Variants in WDPCP observed in about 807,000 individuals in gnomAD.
WDPCP encodes the protein WD repeat-containing and planar cell polarity effector protein fritz homolog.
In WDPCP, 71 loss-of-function variants were observed where a neutral mutation model predicts 93.1. That is an observed-to-expected ratio of 0.76 (90% confidence interval 0.63 to 0.93). The LOEUF (loss-of-function observed/expected upper bound fraction) is 0.93, where lower values mean the gene tolerates loss of function less well. Among genes scored for constraint, WDPCP ranks in the 40% least tolerant of loss-of-function variants. The probability of loss-of-function intolerance (pLI) is 0.00; values close to 1 mark genes in which losing one functional copy is unlikely to be tolerated. For missense variants in WDPCP, 844 were observed against 887.4 expected, an observed-to-expected ratio of 0.95 and a Z score of 0.62; for synonymous variants, 315 against 315.0, an observed-to-expected ratio of 1.00 and a Z score of 0.00.
chr2:63,404,541 AGCCATGG>A lies in WDPCP; in HGVS notation c.935_941del (p.Pro312LeufsTer23), dbSNP rs1235216371. Reference sequence around the variant, plus strand: ...GAATGCATTCATAGATGCAGCTGTCAGCCATGGGCTCTTTGTCTACACTTACGGAGTG... The same window carrying A: ...GAATGCATTCATAGATGCAGCTGTCAGCTCTTTGTCTACACTTACGGAGTG... On this transcript the variant is annotated frameshift_variant, in exon 10 of 18. Transcript: ENST00000272321. LOFTEE classifies it high-confidence loss of function. 6.2e-7 allele frequency: 1 copy of A among 1,613,618 alleles called. No individual in the cohort carries two copies. The highest frequency in any genetic ancestry group is 1.7e-5 in the Admixed American group (1 of 59,970).
intron 3 of WDPCP, among the ~76,000 whole-genome samples, chr2:63,623,510 GAA>G (rs1298405445): frequency 1.6e-5 from 2 of 124,968 alleles, no homozygotes; most frequent in African/African-American, 2.9e-5. Flanking sequence ...ATGGAAAGCA[GAA>G]AAAAAAAAAA....
intron 1 of WDPCP, among the ~76,000 whole-genome samples, chr2:63,509,857 T>C (rs559988141): frequency 4.3e-4 from 66 of 152,166 alleles, no homozygotes; most frequent in African/African-American, 1.3e-3. Context: ...CCTAGACACA[T>C]ATACCCTCCC....
chr2:63,223,972 CT>C (rs1380596632), intron 14 of WDPCP, among the ~76,000 whole-genome samples: 4 of 152,068 alleles, frequency 2.6e-5, no homozygotes, highest in African/African-American at 9.7e-5. Context: ...CACTGTAAGT[CT>C]TCCAGCTTTG....
chr2:63,369,705 C>G (rs754750559), intron 12 of WDPCP, among the ~76,000 whole-genome samples: 2 of 152,092 alleles, frequency 1.3e-5, no homozygotes, highest in Non-Finnish European at 2.9e-5. Context: ...CAGTCTATTT[C>G]TCTCACAACA....
chr2:63,573,759 T>C (rs1008624358), intron 1 of WDPCP, among the ~76,000 whole-genome samples: 3 of 152,186 alleles, frequency 2.0e-5, no homozygotes, highest in South Asian at 2.1e-4. Context: ...AACAGAGCCA[T>C]ATTCCTCTTC....
intron 2 of WDPCP, among the ~76,000 whole-genome samples, chr2:63,714,654 C>T (rs902418671): frequency 6.6e-6 from 1 of 151,988 alleles, no homozygotes; most frequent in East Asian, 1.9e-4. Flanking sequence ...ACAGTAAAAC[C>T]CTGTCTCTAC....
At chr2:63,522,879 T>C (rs578112574) in intron 1 of WDPCP, among the ~76,000 whole-genome samples, 1 of 152,268 alleles carries the variant, frequency 6.6e-6, no homozygotes, top group African/African-American at 2.4e-5. Context: ...TTCTACTAAA[T>C]GTACAAAGAA....
At chr2:63,812,612 C>G (rs2053984954) in intron 2 of WDPCP, among the ~76,000 whole-genome samples, 1 of 152,162 alleles carries the variant, frequency 6.6e-6, no homozygotes, top group East Asian at 1.9e-4. Flanking sequence ...GCCATTCTGC[C>G]TGTCCACACT....
chr2:63,455,616 C>T (rs1231333891), intron 6 of WDPCP, among the ~76,000 whole-genome samples: 3 of 151,896 alleles, frequency 2.0e-5, no homozygotes, highest in African/African-American at 4.8e-5. Context: ...AGGGATCAAT[C>T]GAGCAAGAGG....
chr2:63,571,133 G>A (rs966567176), intron 1 of WDPCP, among the ~76,000 whole-genome samples: 2 of 151,792 alleles, frequency 1.3e-5, no homozygotes, highest in East Asian at 1.9e-4. Flanking sequence ...GTATGGTCTC[G>A]ATCTCCTGAC....
At chr2:63,306,302 A>G (rs1685739282) in intron 13 of WDPCP, among the ~76,000 whole-genome samples, 1 of 152,238 alleles carries the variant, frequency 6.6e-6, no homozygotes, top group Admixed American at 6.5e-5. Flanking sequence ...GCCGAATTCT[A>G]CCAGAGGTAC....
At chr2:63,449,933 C>G (rs1304696508) in intron 6 of WDPCP, among the ~76,000 whole-genome samples, 5 of 152,118 alleles carry the variant, frequency 3.3e-5, no homozygotes, top group Admixed American at 6.5e-5. Flanking sequence ...CTGGTTGGTC[C>G]CAAAGGTGCC....
At chr2:63,724,044 C>T (rs1474645631) in intron 2 of WDPCP, among the ~76,000 whole-genome samples, 2 of 152,306 alleles carry the variant, frequency 1.3e-5, no homozygotes, top group East Asian at 3.9e-4. Context: ...ACACATCTAG[C>T]ATATAGCTAT....
intron 6 of WDPCP, among the ~76,000 whole-genome samples, chr2:63,457,521 A>G (rs1698704453): frequency 6.6e-6 from 1 of 152,226 alleles, no homozygotes; most frequent in Admixed American, 6.5e-5. Flanking sequence ...CTGCAGGCCA[A>G]TATCCCTAAA....
At chr2:63,771,676 G>A (rs1001988646) in intron 2 of WDPCP, among the ~76,000 whole-genome samples, 1 of 151,914 alleles carries the variant, frequency 6.6e-6, no homozygotes, top group African/African-American at 2.4e-5. Flanking sequence ...TTCCTGATAG[G>A]TAGTTTTTCC....
chr2:63,138,980 G>A (rs191070240), intron 17 of WDPCP, among the ~76,000 whole-genome samples: 31 of 152,026 alleles, frequency 2.0e-4, no homozygotes, highest in Admixed American at 1.4e-3. Context: ...GTTACTTCAC[G>A]TAGAATAATA....
chr2:63,129,962 G>T (rs1670183468), intron 17 of WDPCP, among the ~76,000 whole-genome samples: 1 of 152,102 alleles, frequency 6.6e-6, no homozygotes, highest in South Asian at 2.1e-4. Context: ...AGGACAGATG[G>T]TTTTTTTCCC....
chr2:63,674,145 T>A (rs1051094117), intron 2 of WDPCP, among the ~76,000 whole-genome samples: 2 of 152,230 alleles, frequency 1.3e-5, no homozygotes, highest in African/African-American at 4.8e-5. Context: ...GGAAAACAAA[T>A]ATTTTCTCCT....
intron 13 of WDPCP, among the ~76,000 whole-genome samples, chr2:63,294,168 C>T (rs1187556808): frequency 6.6e-6 from 1 of 152,116 alleles, no homozygotes; most frequent in African/African-American, 2.4e-5. Flanking sequence ...AGTAGATTTC[C>T]CATCAAAGGC....
Sources: gnomAD v4.1 joint callset for allele counts (sites outside exome capture counted in the v4.1 genomes callset) on GRCh38, gnomAD v4.1.1 for gene constraint, MANE v1.5 for transcripts, NCBI Gene and HGNC (gene_info 2026-07-23, HGNC 2026-07-21) for gene names.